The following LYPD6 variants were observed in gnomAD, a reference collection of about 807,000 sequenced individuals.
LYPD6 encodes ly6/PLAUR domain-containing protein 6.
LYPD6 carries 15 observed loss-of-function variants against 22.7 expected under a neutral mutation model. That is an observed-to-expected ratio of 0.66 (90% CI 0.44 to 1.02). The LOEUF (loss-of-function observed/expected upper bound fraction) is 1.02, where lower values mean the gene tolerates loss of function less well. Ranked by LOEUF, LYPD6 falls within the 50% of genes least tolerant of loss-of-function variation. The pLI is 0.00. For synonymous variants in LYPD6, 72 were observed against 77.5 expected, an observed-to-expected ratio of 0.93 and a Z score of 0.37; for missense variants, 189 against 208.4, an observed-to-expected ratio of 0.91 and a Z score of 0.57.
chr2:149,433,958 C>T (rs1305534531), intron 1 of LYPD6, among the ~76,000 whole-genome samples: 1 of 152,088 alleles, frequency 6.6e-6, no homozygotes, highest in Admixed American at 6.6e-5. Context: ...AGACATCTCC[C>T]ACCATTTCTT....
At chr2:149,405,248 T>G (rs1559140029) in intron 1 of LYPD6, among the ~76,000 whole-genome samples, 1 of 152,106 alleles carries the variant, frequency 6.6e-6, no homozygotes, top group Non-Finnish European at 1.5e-5. Context: ...GCTGGCCTCA[T>G]AAAATGAGTT....
chr2:149,415,994 C>G (rs542374674), intron 1 of LYPD6, among the ~76,000 whole-genome samples: 2 of 152,226 alleles, frequency 1.3e-5, no homozygotes, highest in East Asian at 1.9e-4. Context: ...ACCTGTAATT[C>G]TAAGAAAGTT....
intron 2 of LYPD6, among the ~76,000 whole-genome samples, chr2:149,438,440 A>G (rs569952897): frequency 2.6e-5 from 4 of 152,358 alleles, no homozygotes; most frequent in Non-Finnish European, 4.4e-5. Context: ...GCTTTAGGAA[A>G]CACAGCAGTT....
At chr2:149,443,854 A>C (rs1683621619) in intron 2 of LYPD6, among the ~76,000 whole-genome samples, 1 of 152,040 alleles carries the variant, frequency 6.6e-6, no homozygotes, top group Non-Finnish European at 1.5e-5. Flanking sequence ...CCTTGTGCAT[A>C]TAAAAGTTAT....
At chr2:149,339,353 A>G (rs1429818736) in intron 1 of LYPD6, among the ~76,000 whole-genome samples, 1 of 152,186 alleles carries the variant, frequency 6.6e-6, no homozygotes, top group Non-Finnish European at 1.5e-5. Context: ...TAGAAGCCTC[A>G]TTCCCCTAGG....
chr2:149,345,869 A>G (rs1681245639), intron 1 of LYPD6, among the ~76,000 whole-genome samples: 1 of 152,194 alleles, frequency 6.6e-6, no homozygotes, highest in Non-Finnish European at 1.5e-5. Flanking sequence ...GAGGTCTCGT[A>G]GGTCTGTAGC....
chr2:149,463,438 A>G (rs1315469852), intron 3 of LYPD6, among the ~76,000 whole-genome samples: 3 of 152,218 alleles, frequency 2.0e-5, no homozygotes, highest in Non-Finnish European at 2.9e-5. Flanking sequence ...TGGTAGGAAT[A>G]TAAAATGTTA....
Position 149,388,179 on chromosome 2 carries a change from TC to T in LYPD6, c.-71-49458del, listed in dbSNP as rs1310700383. Among the ~76,000 whole-genome samples, 294 of 38,018 alleles carry T rather than the reference TC, an allele frequency of 7.7e-3. 3 individuals are homozygous for T. Among genetic ancestry groups the T allele is most frequent in the East Asian group, 0.053 (17 of 322 alleles). 24.9% of individuals were successfully genotyped at this position (38,018 alleles called of 152,430 possible). On this transcript the variant is annotated intron_variant, in intron 1 of 4. Coordinates refer to ENST00000334166, the MANE Select transcript of LYPD6 (RefSeq NM_194317.5). Reference sequence around the variant, plus strand: ...AACTACCTTTCTTTCTCTCTCTCTCTCTTTTTTTTTTTTTTGGTCTAAGTTG... The same window carrying T: ...AACTACCTTTCTTTCTCTCTCTCTCTTTTTTTTTTTTTTTGGTCTAAGTTG...
chr2:149,361,587 T>C (rs1356807014), intron 1 of LYPD6, among the ~76,000 whole-genome samples: 2 of 152,246 alleles, frequency 1.3e-5, no homozygotes, highest in Non-Finnish European at 2.9e-5. Context: ...ACTTTGTTTC[T>C]TCTCTAACCA....
rs188720672 is a variant in LYPD6, at chr2:149,387,183, T to G, written c.-71-50455T>G. Among the ~76,000 whole-genome samples the G allele has an allele frequency of 2.3e-3, 352 of 152,348 alleles. 3 individuals are homozygous for G. The highest frequency in any genetic ancestry group is 8.0e-3 in the African/African-American group (334 of 41,580). On this transcript the variant is annotated intron_variant, in intron 1 of 4. Coordinates refer to ENST00000334166, the MANE Select transcript of LYPD6 (RefSeq NM_194317.5). ...CTCTATTTTTATATAATATTAACTC[T>G]CATTTCAATGTGAACATCTGAACAA...
intron 1 of LYPD6, among the ~76,000 whole-genome samples, chr2:149,345,613 C>A (rs1002264828): frequency 2.0e-5 from 3 of 151,778 alleles, no homozygotes; most frequent in Non-Finnish European, 2.9e-5. Context: ...ACGCACCCGG[C>A]CTTAATTTAA....
At chr2:149,353,449 G>T (rs1681394977) in intron 1 of LYPD6, among the ~76,000 whole-genome samples, 1 of 152,114 alleles carries the variant, frequency 6.6e-6, no homozygotes, top group Non-Finnish European at 1.5e-5. Context: ...TTTAAAAGTT[G>T]TTTTGTCAAC....
At chr2:149,341,409 A>G (rs1359337635) in intron 1 of LYPD6, among the ~76,000 whole-genome samples, 2 of 152,140 alleles carry the variant, frequency 1.3e-5, no homozygotes. Context: ...GTAGTAACAT[A>G]TTCTTTGTTA....
intron 3 of LYPD6, among the ~76,000 whole-genome samples, chr2:149,458,466 C>G (rs545188147): frequency 6.6e-6 from 1 of 152,124 alleles, no homozygotes; most frequent in Non-Finnish European, 1.5e-5. Flanking sequence ...ATGAGGCACT[C>G]TTACCACTCT....
At chr2:149,468,283 T>C (rs1174456219) in intron 3 of LYPD6, among the ~76,000 whole-genome samples, 2 of 152,096 alleles carry the variant, frequency 1.3e-5, no homozygotes, top group African/African-American at 4.8e-5. Context: ...TGTCCTTTCA[T>C]CTTCCTTAAA....
chr2:149,421,792 C>T (rs1683086729), intron 1 of LYPD6, among the ~76,000 whole-genome samples: 1 of 152,062 alleles, frequency 6.6e-6, no homozygotes, highest in Non-Finnish European at 1.5e-5. Flanking sequence ...AATTAACATT[C>T]ATTAGTTAAC....
At chr2:149,408,899 C>G (rs1682789571) in intron 1 of LYPD6, among the ~76,000 whole-genome samples, 1 of 152,126 alleles carries the variant, frequency 6.6e-6, no homozygotes, top group Admixed American at 6.5e-5. Context: ...TTTCTGAATT[C>G]TTTTTCTGGT....
chr2:149,464,815 A>T (rs1245276588), intron 3 of LYPD6, among the ~76,000 whole-genome samples: 12 of 152,230 alleles, frequency 7.9e-5, no homozygotes, highest in Non-Finnish European at 7.4e-5. Flanking sequence ...AGACTTGGAG[A>T]CTCCCAGATT....
At chr2:149,442,051 A>G (rs1683580279) in intron 2 of LYPD6, among the ~76,000 whole-genome samples, 1 of 152,218 alleles carries the variant, frequency 6.6e-6, no homozygotes, top group Admixed American at 6.5e-5. Context: ...TAATGTATTT[A>G]TTTCTGTCAG....
Sources: gnomAD v4.1 joint callset for allele counts (sites outside exome capture counted in the v4.1 genomes callset) on GRCh38, gnomAD v4.1.1 for gene constraint, MANE v1.5 for transcripts, NCBI Gene and HGNC (gene_info 2026-07-23, HGNC 2026-07-21) for gene names.